Variants in GBE1 observed in about 807,000 individuals in gnomAD.
GBE1 encodes 1,4-alpha-glucan-branching enzyme.
In GBE1, 70 loss-of-function variants were observed where a neutral mutation model predicts 88.8. The ratio of observed to expected loss-of-function variants is 0.79; its 90% CI spans 0.65 to 0.96. The LOEUF is 0.96. Ranked by LOEUF, GBE1 falls within the 40% of genes least tolerant of loss-of-function variation. The pLI is 0.00. For synonymous variants in GBE1, 284 were observed against 300.1 expected, an observed-to-expected ratio of 0.95 and a Z score of 0.56; for missense variants, 872 against 871.0, an observed-to-expected ratio of 1.00 and a Z score of -0.01.
At chr3:81,705,753 A>G in intron 1 of GBE1, 140 bp from the exon 2 acceptor site, 1 of 516,040 alleles carries the variant, frequency 1.9e-6, no homozygotes, top group African/African-American at 2.0e-5. Context: ...AATTTCATTT[A>G]TTAGTAGAGG....
intron 14 of GBE1, among the ~76,000 whole-genome samples, chr3:81,503,511 A>G (rs969888821): frequency 2.6e-5 from 4 of 152,200 alleles, no homozygotes; most frequent in South Asian, 2.1e-4. Context: ...TCAGGAGTCT[A>G]ACAACAGTCC....
chr3:81,553,797 T>C (rs915068934), intron 12 of GBE1, among the ~76,000 whole-genome samples: 1 of 151,944 alleles, frequency 6.6e-6, no homozygotes, highest in African/African-American at 2.4e-5. Context: ...AGAGAACAGA[T>C]AAAGCACTTC....
intron 1 of GBE1, among the ~76,000 whole-genome samples, chr3:81,754,821 T>TC (rs1269044712): frequency 6.6e-6 from 1 of 152,014 alleles, no homozygotes; most frequent in Non-Finnish European, 1.5e-5. Context: ...TACACAAAAA[T>TC]CAAATCAAAT....
chr3:81,714,707 T>C (rs746395851), intron 1 of GBE1, among the ~76,000 whole-genome samples: 55 of 152,218 alleles, frequency 3.6e-4, no homozygotes, highest in Non-Finnish European at 6.5e-4. Flanking sequence ...CAGTTTGAAC[T>C]GTTATAACAA....
Position 81,737,211 on chromosome 3 carries a change from G to T in GBE1, c.143+24164C>A, listed in dbSNP as rs539719678. Among the ~76,000 whole-genome samples, 36 of 147,266 alleles carry T rather than the reference G, an allele frequency of 2.4e-4. No individual in the cohort carries two copies. In the South Asian group the frequency reaches 5.7e-3, roughly 23 times the overall value. On this transcript the variant is annotated intron_variant, in intron 1 of 15. Coordinates refer to ENST00000429644, the MANE Select transcript of GBE1 (RefSeq NM_000158.4). ...CAGAAGGCCAGAGAAATGGTCTGGG[G>T]TATAGATATAAATTTTGAAGTAAAT... is the stretch of plus-strand genomic sequence containing the variant.
At chr3:81,498,311 C>T (rs185629822) in intron 15 of GBE1, among the ~76,000 whole-genome samples, 1 of 151,932 alleles carries the variant, frequency 6.6e-6, no homozygotes. Context: ...CCTATCTAAA[C>T]CTTTGAAAAG....
At chr3:81,704,042 CTTAA>C (rs1705737857) in intron 2 of GBE1, among the ~76,000 whole-genome samples, 1 of 151,852 alleles carries the variant, frequency 6.6e-6, no homozygotes, top group Non-Finnish European at 1.5e-5. Flanking sequence ...AACTTACCAT[CTTAA>C]TTAAGACTTG....
intron 2 of GBE1, among the ~76,000 whole-genome samples, chr3:81,679,622 G>A (rs1476728301): frequency 1.3e-5 from 2 of 152,136 alleles, no homozygotes; most frequent in Non-Finnish European, 2.9e-5. Flanking sequence ...TGTTCTAGCT[G>A]TAACCAATAG....
chr3:81,499,133 T>C lies in GBE1; in HGVS notation c.2029A>G (p.Asn677Asp). The change falls in exon 15 of 16, where the codon AAT becomes GAT. Residue 677 changes from asparagine (N) to aspartate (D), a missense_variant. By Grantham distance (23) the Asn-to-Asp change is conservative. Transcript: ENST00000429644. ...ACCAAAAGAGAATAGGGACGCCCAT[T>C]ATGTTCAAAAGCCTCAGAAAAAAAG... ...TDFFSEAFEH[N>D]GRPYSLLVYI... is the part of the protein sequence containing the mutation. 6.2e-7 allele frequency: 1 copy of C among 1,603,502 alleles called. No homozygotes were observed.
intron 7 of GBE1, among the ~76,000 whole-genome samples, chr3:81,600,209 C>T (rs1024870094): frequency 8.6e-5 from 13 of 151,912 alleles, no homozygotes; most frequent in African/African-American, 2.9e-4. Flanking sequence ...TGCAGTGAGC[C>T]GCGATTGTGC....
At chr3:81,506,901 T>C (rs1346551052) in intron 14 of GBE1, among the ~76,000 whole-genome samples, 1 of 151,980 alleles carries the variant, frequency 6.6e-6, no homozygotes, top group Non-Finnish European at 1.5e-5. Flanking sequence ...AACGACACAC[T>C]CTGGGGCCTA....
chr3:81,682,643 A>G (rs894310148), intron 2 of GBE1, among the ~76,000 whole-genome samples: 1 of 152,198 alleles, frequency 6.6e-6, no homozygotes, highest in African/African-American at 2.4e-5. Flanking sequence ...CAAACCTTAT[A>G]TACTACTGGT....
At chr3:81,562,775 T>G (rs2106911886) in intron 12 of GBE1, among the ~76,000 whole-genome samples, 1 of 151,820 alleles carries the variant, frequency 6.6e-6, no homozygotes, top group South Asian at 2.1e-4. Flanking sequence ...TCTCTCTTAG[T>G]GAGAAGGAAA....
chr3:81,634,507 C>T (rs993497161), intron 7 of GBE1, among the ~76,000 whole-genome samples: 2 of 152,128 alleles, frequency 1.3e-5, no homozygotes, highest in African/African-American at 4.8e-5. Context: ...TGGCTTTCTT[C>T]ACTGTTTTCA....
intron 14 of GBE1, among the ~76,000 whole-genome samples, chr3:81,511,133 A>C (rs1003269644): frequency 1.3e-5 from 2 of 152,050 alleles, no homozygotes; most frequent in African/African-American, 2.4e-5. Context: ...TATGAAGAAG[A>C]ATGATAGTAG....
At chr3:81,736,130 A>AT (rs1706254865) in intron 1 of GBE1, among the ~76,000 whole-genome samples, 1 of 152,172 alleles carries the variant, frequency 6.6e-6, no homozygotes, top group Non-Finnish European at 1.5e-5. Flanking sequence ...CAGCTGAGAG[A>AT]TACCATACAG....
chr3:81,530,971 C>A (rs1038712014), intron 14 of GBE1, among the ~76,000 whole-genome samples: 5 of 151,814 alleles, frequency 3.3e-5, no homozygotes, highest in Non-Finnish European at 5.9e-5. Context: ...TGGCCTGGCA[C>A]TAGGAACTTT....
chr3:81,587,101 C>T (rs1428457071), intron 9 of GBE1, among the ~76,000 whole-genome samples: 3 of 151,974 alleles, frequency 2.0e-5, no homozygotes, highest in Middle Eastern at 3.2e-3. Flanking sequence ...CACACCCAGT[C>T]GAGAGAGAGG....
At chr3:81,503,667 C>A (rs1477037763) in intron 14 of GBE1, among the ~76,000 whole-genome samples, 2 of 152,080 alleles carry the variant, frequency 1.3e-5, no homozygotes, top group Non-Finnish European at 2.9e-5. Flanking sequence ...CAGTTGTGCC[C>A]AAAGGCAGAC....
Sources: allele counts gnomAD v4.1 joint callset (sites outside exome capture counted in the v4.1 genomes callset), GRCh38; gene constraint gnomAD v4.1.1; transcripts MANE v1.5; gene names NCBI Gene and HGNC (gene_info 2026-07-23, HGNC 2026-07-21).